AKNAD1: variants seen among roughly 807,000 people sequenced by gnomAD.
The protein encoded by AKNAD1 is AKNA domain containing 1, also known as protein AKNAD1.
AKNAD1 carries 67 observed loss-of-function variants against 90.8 expected under a neutral mutation model. The ratio of observed to expected loss-of-function variants is 0.74; its 90% CI spans 0.61 to 0.90. The LOEUF is 0.90. Among genes scored for constraint, AKNAD1 ranks in the 40% least tolerant of loss-of-function variants. AKNAD1 has a pLI of 0.00. For missense variants in AKNAD1, 957 were observed against 975.4 expected (o/e 0.98, Z 0.25); for synonymous variants, 327 against 341.4 (o/e 0.96, Z 0.46).
chr1:108,830,721 C>G (rs1363256138), intron 9 of AKNAD1, 71 bp from the exon 10 acceptor site: 1 of 1,477,250 alleles, frequency 6.8e-7, no homozygotes, highest in Non-Finnish European at 9.4e-7. Context: ...ACACGCACAG[C>G]CCAGCAAGCA....
At chr1:108,824,180 C>G (rs35639490) in intron 11 of AKNAD1, among the ~76,000 whole-genome samples, 33,662 of 152,124 alleles carry the variant, frequency 0.22, 4,318 homozygotes, top group Non-Finnish European at 0.3. Context: ...GCTCTCTTAG[C>G]CTCAAAGAAG....
intron 10 of AKNAD1, 86 bp from the exon 11 acceptor site, chr1:108,827,388 T>G (rs1664037793): frequency 2.0e-6 from 2 of 999,916 alleles, no homozygotes; most frequent in East Asian, 5.0e-5. Flanking sequence ...AACGTTAAAT[T>G]TTGTTATATT....
intron 13 of AKNAD1, chr1:108,823,021 G>A (rs1663866962): frequency 1.6e-6 from 1 of 611,028 alleles, no homozygotes; most frequent in Non-Finnish European, 3.0e-6. Flanking sequence ...TATATGTAAA[G>A]CATTAGCCAC....
chr1:108,855,715 G>T (rs926528546), intron 1 of AKNAD1, among the ~76,000 whole-genome samples: 1 of 151,988 alleles, frequency 6.6e-6, no homozygotes, highest in Non-Finnish European at 1.5e-5. Context: ...GAACCCGGGA[G>T]GCAGAGGTTG....
intron 11 of AKNAD1, among the ~76,000 whole-genome samples, chr1:108,825,278 G>C (rs573507491): frequency 5.3e-5 from 8 of 151,840 alleles, no homozygotes; most frequent in Admixed American, 2.6e-4. Flanking sequence ...GATGATAAAT[G>C]TTTGTTGTTT....
intron 10 of AKNAD1, 133 bp from the exon 11 acceptor site, chr1:108,827,435 C>T (rs894865850): frequency 1.5e-6 from 1 of 645,862 alleles, no homozygotes; most frequent in African/African-American, 1.8e-5. Flanking sequence ...TTGTCATCCT[C>T]TACACAGAGC....
rs371794693 is a variant in AKNAD1, at chr1:108,822,700, A to G, written c.2167+670T>C. On this transcript the variant is annotated intron_variant, in intron 13 of 15. Transcript: ENST00000370001. ...GCCAAGGATGTAGCGCCTGTCAGAG[A>G]ACCAGGTATAGCTGTCGTTCAGTGG... 8.7e-4 allele frequency among the ~76,000 whole-genome samples: 132 copies of G among 152,278 alleles called. 3 individuals are homozygous for G. The South Asian group carries it at 0.026, about 30-fold the overall frequency.
chr1:108,822,101 A>G (rs898095268), intron 13 of AKNAD1, among the ~76,000 whole-genome samples: 2 of 152,088 alleles, frequency 1.3e-5, no homozygotes, highest in African/African-American at 4.8e-5. Flanking sequence ...GTGGTCTCCA[A>G]ATGTAATTTT....
chr1:108,830,006 G>A (rs572313588), intron 10 of AKNAD1, among the ~76,000 whole-genome samples: 54 of 152,316 alleles, frequency 3.5e-4, no homozygotes, highest in African/African-American at 1.2e-3. Context: ...GGAAGATTTC[G>A]TCCTTAGGAA....
chr1:108,852,869 A>G (rs1664913353), intron 1 of AKNAD1, 102 bp from the exon 2 acceptor site: 2 of 435,364 alleles, frequency 4.6e-6, no homozygotes, highest in South Asian at 1.9e-4. Flanking sequence ...AAATTCAGTT[A>G]CAAACAGGAA....
intron 1 of AKNAD1, among the ~76,000 whole-genome samples, chr1:108,854,030 G>A (rs905658279): frequency 2.0e-5 from 3 of 152,122 alleles, no homozygotes; most frequent in African/African-American, 7.2e-5. Flanking sequence ...TTCTAATTTG[G>A]ACTCAGGCAG....
At position 108,855,653 on chromosome 1, in the gene AKNAD1, G is replaced by A. The variant is rs944436586; in HGVS notation, c.-104+1276C>T. Among the ~76,000 whole-genome samples, 15 of 151,228 alleles carry A rather than the reference G, an allele frequency of 9.9e-5. No homozygotes were observed. In the South Asian group the frequency reaches 3.1e-3, roughly 32 times the overall value. On this transcript the variant is annotated intron_variant, in intron 1 of 15. Coordinates refer to ENST00000370001, the MANE Select transcript of AKNAD1 (RefSeq NM_152763.5). ...ATACAAAAATTAGTTGGGCATGGTG[G>A]TGCATCCCTATAGTCCCAGCTACTT...
At chr1:108,855,433 C>T (rs1665003087) in intron 1 of AKNAD1, among the ~76,000 whole-genome samples, 1 of 151,118 alleles carries the variant, frequency 6.6e-6, no homozygotes. Flanking sequence ...GACATAATCT[C>T]TACAAGAACT....
At position 108,841,614 on chromosome 1, in the gene AKNAD1, G is replaced by T. The variant is rs188182581; in HGVS notation, c.1379+1520C>A. Among the ~76,000 whole-genome samples, 187 of 152,254 alleles carry T rather than the reference G, an allele frequency of 1.2e-3. 2 individuals are homozygous for T. The highest frequency in any genetic ancestry group is 3.4e-3 in the African/African-American group (143 of 41,546). On this transcript the variant is annotated intron_variant, in intron 6 of 15. Transcript: ENST00000370001. Reference sequence around the variant, plus strand: ...AGCACAGCAGGTGATGTAAACAAAGGACTAGTCAATGAATTTGCAGAATTC... The same window carrying T: ...AGCACAGCAGGTGATGTAAACAAAGTACTAGTCAATGAATTTGCAGAATTC...
rs185937421 is a variant in AKNAD1 at position 108,853,378 on chromosome 1, G to A, written c.-103-611C>T. ...CATCTCCTGACCTCGTGATCCACCC[G>A]CCTTGGCCTCCCAAAGTGCTGGGAT... On this transcript the variant is annotated intron_variant, in intron 1 of 15. Coordinates refer to ENST00000370001, the MANE Select transcript of AKNAD1 (RefSeq NM_152763.5). Among the ~76,000 whole-genome samples, 49 of 151,664 alleles carry A rather than the reference G, an allele frequency of 3.2e-4. 1 individual carries two copies. Among genetic ancestry groups the A allele is most frequent in the Admixed American group, 2.2e-3 (33 of 15,256 alleles).
At chr1:108,843,518 A>G (rs1267628094) in intron 5 of AKNAD1, among the ~76,000 whole-genome samples, 2 of 152,170 alleles carry the variant, frequency 1.3e-5, no homozygotes, top group African/African-American at 2.4e-5. Flanking sequence ...CTCTCTCAGA[A>G]CCCACTCAGA....
intron 1 of AKNAD1, 99 bp from the exon 2 acceptor site, chr1:108,852,866 G>T: frequency 2.3e-6 from 1 of 439,458 alleles, no homozygotes; most frequent in South Asian, 9.6e-5. Flanking sequence ...GAAAAATTCA[G>T]TTACAAACAG....
chr1:108,823,272 C>A, intron 13 of AKNAD1, 98 bp downstream of exon 13: 1 of 1,001,586 alleles, frequency 1.0e-6, no homozygotes, highest in East Asian at 2.4e-5. Flanking sequence ...GAGGCCAGGG[C>A]TTCCCAGATG....
chr1:108,834,889 T>C (rs200011105), intron 8 of AKNAD1, 40 bp downstream of exon 8: 247 of 1,500,620 alleles, frequency 1.6e-4, no homozygotes, highest in Admixed American at 7.9e-4. Context: ...GGCCTCTTTC[T>C]GTGTCCTGTG....
Sources: allele counts gnomAD v4.1 joint callset (sites outside exome capture counted in the v4.1 genomes callset), GRCh38; gene constraint gnomAD v4.1.1; transcripts MANE v1.5; gene names NCBI Gene and HGNC (gene_info 2026-07-23, HGNC 2026-07-21).